PAK4: variants seen among roughly 807,000 people sequenced by gnomAD.
The protein encoded by PAK4 is serine/threonine-protein kinase PAK 4.
A neutral mutation model predicts 53.5 loss-of-function variants in PAK4; 49 were observed. The observed-to-expected ratio is 0.92, with a 90% confidence interval of 0.73 to 1.16. The LOEUF is 1.16. Among genes scored for constraint, PAK4 ranks in the 50% most tolerant of loss-of-function variants. PAK4 has a pLI of 0.00. For missense variants in PAK4, 824 were observed against 850.7 expected (o/e 0.97, Z 0.39); for synonymous variants, 376 against 375.6 (o/e 1.00, Z -0.01).
Position 39,178,346 on chromosome 19 carries a change from C to A in PAK4, c.1621-78C>A. ...CAGTACATGCCGCCAGCCGACTTGG[C>A]AGAGGCGGACACTGCAGCCCTACAG... On this transcript the variant is annotated intron_variant, in intron 8 of 8. Transcript: ENST00000358301. This position sits in a 1 kb window ranked among gnomAD's most constrained non-coding sequence, Gnocchi z 4.4. 6.7e-7 allele frequency: 1 copy of A among 1,483,484 alleles called. No homozygotes were observed. The highest frequency in any genetic ancestry group is 1.2e-5 in the South Asian group (1 of 81,070). 91.9% of individuals were successfully genotyped at this position (1,483,484 alleles called of 1,614,324 possible).
Position 39,173,973 on chromosome 19 carries a change from T to C in PAK4, c.1061T>C (p.Leu354Pro). 1.2e-6 allele frequency: 2 copies of C among 1,608,426 alleles called. No homozygotes were observed. Among genetic ancestry groups the C allele is most frequent in the South Asian group, 1.1e-5 (1 of 90,694 alleles). The change falls in exon 4 of 9, where the codon CTG becomes CCG. Residue 354 changes from leucine (L) to proline (P), a missense_variant. By Grantham distance (98) the Leu-to-Pro change is moderately conservative (BLOSUM62 -3). Transcript: ENST00000358301. The surrounding 1 kb of genome is among the most constrained non-coding windows in gnomAD (Gnocchi z 6.9). ...CTGGTGGCCGTCAAGAAGATGGACC[T>C]GCGCAAGCAGCAGAGGCGCGAGCTG...
At chr19:39,144,454 C>G (rs533793252) in intron 1 of PAK4, among the ~76,000 whole-genome samples, 1 of 152,194 alleles carries the variant, frequency 6.6e-6, no homozygotes, top group Non-Finnish European at 1.5e-5. Flanking sequence ...CCGTCCCTGC[C>G]GGGGGGATGC....
At chr19:39,176,331 T>A (rs139296111) in intron 6 of PAK4, among the ~76,000 whole-genome samples, 14 of 152,276 alleles carry the variant, frequency 9.2e-5, no homozygotes, top group Non-Finnish European at 4.4e-5. Context: ...CTCAGGCCAG[T>A]GTCCCCAAAA....
At chr19:39,177,057 G>T (rs1369674458) in intron 7 of PAK4, among the ~76,000 whole-genome samples, 1 of 152,044 alleles carries the variant, frequency 6.6e-6, no homozygotes, top group Non-Finnish European at 1.5e-5. Flanking sequence ...GTAGAGATGG[G>T]GGTTTCACCA....
chr19:39,132,268 C>T (rs1465950681), intron 1 of PAK4, among the ~76,000 whole-genome samples: 2 of 152,242 alleles, frequency 1.3e-5, no homozygotes, highest in Non-Finnish European at 2.9e-5. Context: ...TAAATAATCA[C>T]TGAAAAACTG....
At chr19:39,135,917 A>G (rs1276377891) in intron 1 of PAK4, among the ~76,000 whole-genome samples, 1 of 148,520 alleles carries the variant, frequency 6.7e-6, no homozygotes, top group Non-Finnish European at 1.5e-5. Flanking sequence ...GCCACATCCA[A>G]AGTGTCTGGA....
chr19:39,173,277 C>G lies in PAK4; in HGVS notation c.564C>G (p.Pro188=). The G allele has an allele frequency of 6.2e-7, 1 of 1,603,938 alleles. No individual in the cohort carries two copies. The highest frequency in any genetic ancestry group is 8.5e-7 in the Non-Finnish European group (1 of 1,176,182). The change falls in exon 3 of 9, where the codon CCC becomes CCG. Residue 188 remains proline (P), a synonymous_variant. Transcript: ENST00000358301. This position sits in a 1 kb window ranked among gnomAD's most constrained non-coding sequence, Gnocchi z 6.9. ...TCTCCGGGCCTGATGTCGGCACCCCCCAGCCTGCTGGTCTGGCCAGTGGGG... is the reference window on the plus strand; with the variant it reads ...TCTCCGGGCCTGATGTCGGCACCCCGCAGCCTGCTGGTCTGGCCAGTGGGG...
At chr19:39,153,593 C>T (rs572576054) in intron 1 of PAK4, among the ~76,000 whole-genome samples, 7 of 152,190 alleles carry the variant, frequency 4.6e-5, no homozygotes, top group African/African-American at 9.7e-5. Flanking sequence ...AGGCGCCTAC[C>T]GCCACGCCAC....
In PAK4 at chr19:39,155,047, G is replaced by T. The variant is rs545511638; in HGVS notation, c.-22-14485G>T. 1.4e-4 allele frequency among the ~76,000 whole-genome samples: 21 copies of T among 152,330 alleles called. 1 individual carries two copies. The South Asian group carries it at 4.3e-3, about 32-fold the overall frequency. On this transcript the variant is annotated intron_variant, in intron 1 of 8. Coordinates refer to ENST00000358301, the Ensembl canonical transcript of PAK4. ...TGAGGAGTTGGCTGCAGGGGCAGGG[G>T]TGTGCCAGAGCAGGGTAGTGGGAAG...
chr19:39,159,781 A>T (rs2074253806), intron 1 of PAK4, among the ~76,000 whole-genome samples: 1 of 152,228 alleles, frequency 6.6e-6, no homozygotes, highest in Non-Finnish European at 1.5e-5. Context: ...GGCACAGTCC[A>T]TGCAGAGGCC....
chr19:39,172,820 C>CTG, intron 2 of PAK4, 98 bp from the exon 4 acceptor site: 2 of 1,009,638 alleles, frequency 2.0e-6, no homozygotes, highest in Non-Finnish European at 2.9e-6. Flanking sequence ...TGTCTTGTCT[C>CTG]TGTGTGTGTC....
chr19:39,147,578 T>A (rs1232307309), intron 1 of PAK4, among the ~76,000 whole-genome samples: 1 of 152,196 alleles, frequency 6.6e-6, no homozygotes, highest in Non-Finnish European at 1.5e-5. Flanking sequence ...AAAACCATTT[T>A]CTAGAGTGGC....
intron 1 of PAK4, among the ~76,000 whole-genome samples, chr19:39,128,263 A>T (rs940029584): frequency 3.0e-4 from 46 of 152,276 alleles, no homozygotes; most frequent in African/African-American, 1.1e-3. Context: ...TGTAAGCATT[A>T]GTCTTGCTGC....
At chr19:39,137,532 C>T (rs1309505666) in intron 1 of PAK4, among the ~76,000 whole-genome samples, 2 of 152,166 alleles carry the variant, frequency 1.3e-5, no homozygotes, top group Non-Finnish European at 2.9e-5. Flanking sequence ...GTCCTTCGCC[C>T]ATTTTGCAAA....
intron 1 of PAK4, among the ~76,000 whole-genome samples, chr19:39,145,525 G>A (rs1477492095): frequency 6.6e-6 from 1 of 152,192 alleles, no homozygotes; most frequent in African/African-American, 2.4e-5. Context: ...CTCTCACCCA[G>A]GCCCGCAGCC....
downstream of PAK4, chr19:39,182,252 CT>C (rs2074706835): frequency 6.6e-6 from 1 of 152,226 alleles, no homozygotes; most frequent in African/African-American, 2.4e-5. Flanking sequence ...AGGCACTCCT[CT>C]TTAAGGACCG....
chr19:39,172,886 G>A, intron 2 of PAK4, 32 bp from the exon 4 acceptor site: 3 of 1,496,928 alleles, frequency 2.0e-6, no homozygotes, highest in Non-Finnish European at 2.7e-6. Context: ...ACTCCTTGCT[G>A]GGCCCCCACC....
intron 1 of PAK4, among the ~76,000 whole-genome samples, chr19:39,158,785 C>G (rs1313419650): frequency 6.6e-6 from 1 of 152,150 alleles, no homozygotes; most frequent in Non-Finnish European, 1.5e-5. Context: ...CCTGGGTCTC[C>G]CAGTCCAGTG....
At chr19:39,136,990 G>A (rs908798240) in intron 1 of PAK4, among the ~76,000 whole-genome samples, 6 of 152,158 alleles carry the variant, frequency 3.9e-5, no homozygotes, top group African/African-American at 7.2e-5. Context: ...CAGGTAGGTC[G>A]GTTCTTGGGT....
Sources: gnomAD v4.1 joint callset for allele counts (sites outside exome capture counted in the v4.1 genomes callset) on GRCh38, gnomAD v4.1.1 for gene constraint, Gnocchi (gnomAD v3.1) non-coding constraint, MANE v1.5 for transcripts, NCBI Gene and HGNC (gene_info 2026-07-23, HGNC 2026-07-21) for gene names.